NEDD4L: variants seen among roughly 807,000 people sequenced by gnomAD.
The protein encoded by NEDD4L is E3 ubiquitin-protein ligase NEDD4-like.
NEDD4L carries 54 observed loss-of-function variants against 148.9 expected under a neutral mutation model. That is an observed-to-expected ratio of 0.36 (90% CI 0.29 to 0.45). NEDD4L has a LOEUF of 0.45. NEDD4L is among the 20% of genes least tolerant of loss of function. The probability of loss-of-function intolerance (pLI) is 1.00; values close to 1 mark genes in which losing one functional copy is unlikely to be tolerated. For synonymous variants in NEDD4L, 433 were observed against 440.7 expected, an observed-to-expected ratio of 0.98 and a Z score of 0.22; for missense variants, 856 against 1,233.8, an observed-to-expected ratio of 0.69 and a Z score of 4.59.
chr18:58,044,645 G>C lies in NEDD4L; in HGVS notation c.-16G>C. On this transcript the variant is annotated 5_prime_UTR_variant, in exon 1 of 31. Coordinates refer to ENST00000400345, the MANE Select transcript of NEDD4L (RefSeq NM_001144967.3). ...CCGCTGGGAGCGCCTCAGACCCCGCGCGGGGCGCCGGCTCCATGGCGACCG... is the reference window on the plus strand; with the variant it reads ...CCGCTGGGAGCGCCTCAGACCCCGCCCGGGGCGCCGGCTCCATGGCGACCG... 6.3e-7 allele frequency: 1 copy of C among 1,596,146 alleles called. No homozygotes were observed. Among genetic ancestry groups the C allele is most frequent in the Non-Finnish European group, 8.5e-7 (1 of 1,171,872 alleles).
intron 2 of NEDD4L, among the ~76,000 whole-genome samples, chr18:58,217,987 T>C (rs1459121640): frequency 1.3e-5 from 2 of 152,170 alleles, no homozygotes; most frequent in African/African-American, 4.8e-5. Flanking sequence ...GAGGAAAATA[T>C]CAAGATGATC....
intron 2 of NEDD4L, among the ~76,000 whole-genome samples, chr18:58,239,594 A>G (rs2046400765): frequency 6.6e-6 from 1 of 152,238 alleles, no homozygotes; most frequent in Admixed American, 6.5e-5. Flanking sequence ...GTGAAAGAAC[A>G]TGGAACACTT....
chr18:58,293,453 A>G (rs2055066535), intron 5 of NEDD4L, among the ~76,000 whole-genome samples: 1 of 152,210 alleles, frequency 6.6e-6, no homozygotes, highest in Admixed American at 6.5e-5. Flanking sequence ...TGGATATGGG[A>G]TAATTACCAT....
intron 1 of NEDD4L, among the ~76,000 whole-genome samples, chr18:58,138,100 C>T (rs556744857): frequency 2.6e-5 from 4 of 152,298 alleles, no homozygotes; most frequent in East Asian, 1.9e-4. Flanking sequence ...CTCTCTTGGA[C>T]GTTAGGGTTT....
chr18:58,329,703 G>T, intron 10 of NEDD4L, among the ~76,000 whole-genome samples: 1 of 140,762 alleles, frequency 7.1e-6, no homozygotes, highest in African/African-American at 2.7e-5. Flanking sequence ...GTTTCACCAT[G>T]TTGGCCAGGC....
chr18:58,360,452 T>C (rs930649122), intron 19 of NEDD4L, among the ~76,000 whole-genome samples: 3 of 152,224 alleles, frequency 2.0e-5, no homozygotes, highest in Non-Finnish European at 4.4e-5. Context: ...GCTTTTTTTG[T>C]AATCTCTTTA....
At chr18:58,196,516 C>G (rs1029197693) in intron 2 of NEDD4L, among the ~76,000 whole-genome samples, 1 of 152,158 alleles carries the variant, frequency 6.6e-6, no homozygotes, top group Non-Finnish European at 1.5e-5. Flanking sequence ...CTGCATTCTT[C>G]AGCCCTCAAA....
intron 1 of NEDD4L, among the ~76,000 whole-genome samples, chr18:58,116,713 C>T (rs116859442): frequency 6.6e-5 from 10 of 152,346 alleles, no homozygotes; most frequent in Non-Finnish European, 1.5e-4. Context: ...CTTCTATGTC[C>T]AGGCCAGTGG....
At chr18:58,219,122 G>A (rs2043462072) in intron 2 of NEDD4L, among the ~76,000 whole-genome samples, 1 of 152,172 alleles carries the variant, frequency 6.6e-6, no homozygotes, top group Admixed American at 6.5e-5. Flanking sequence ...ACATTTTAAT[G>A]CAAGTTTGGC....
chr18:58,246,583 G>A (rs1377941186), intron 3 of NEDD4L, among the ~76,000 whole-genome samples: 1 of 152,152 alleles, frequency 6.6e-6, no homozygotes. Context: ...TCCTGCCTCA[G>A]CTTCCTGAGT....
At chr18:58,308,532 C>A (rs888855975) in intron 5 of NEDD4L, among the ~76,000 whole-genome samples, 1 of 152,216 alleles carries the variant, frequency 6.6e-6, no homozygotes, top group African/African-American at 2.4e-5. Flanking sequence ...GCAGTCGTTT[C>A]CCCTAGATCT....
intron 1 of NEDD4L, among the ~76,000 whole-genome samples, chr18:58,102,238 G>A (rs944661123): frequency 2.0e-5 from 3 of 152,114 alleles, no homozygotes; most frequent in African/African-American, 7.2e-5. Context: ...ACAGAGGGGT[G>A]GGGGGTGGTG....
chr18:58,051,710 G>A (rs2081880953), intron 1 of NEDD4L, among the ~76,000 whole-genome samples: 2 of 152,158 alleles, frequency 1.3e-5, no homozygotes, highest in Non-Finnish European at 2.9e-5. Flanking sequence ...TTTTGATGTT[G>A]CAGGTATTTG....
chr18:58,362,789 G>A (rs2045645757), intron 19 of NEDD4L, among the ~76,000 whole-genome samples: 1 of 152,222 alleles, frequency 6.6e-6, no homozygotes, highest in South Asian at 2.1e-4. Flanking sequence ...AACTAGAGAG[G>A]AAATCTTAGT....
At chr18:58,061,411 CCTT>C (rs1419073123) in intron 1 of NEDD4L, among the ~76,000 whole-genome samples, 2 of 152,082 alleles carry the variant, frequency 1.3e-5, no homozygotes, top group African/African-American at 2.4e-5. Flanking sequence ...AGAATCTACT[CCTT>C]CTGCTTACCC....
intron 2 of NEDD4L, among the ~76,000 whole-genome samples, chr18:58,182,818 T>G (rs1471710619): frequency 6.6e-6 from 1 of 152,202 alleles, no homozygotes; most frequent in Non-Finnish European, 1.5e-5. Context: ...GCCCCTGTAG[T>G]GTTCTATGCA....
chr18:58,285,626 G>A (rs2053788580), intron 5 of NEDD4L, among the ~76,000 whole-genome samples: 1 of 152,180 alleles, frequency 6.6e-6, no homozygotes, highest in Non-Finnish European at 1.5e-5. Context: ...CTAAGCCCAG[G>A]AATAATCAAG....
intron 1 of NEDD4L, among the ~76,000 whole-genome samples, chr18:58,162,403 C>A (rs569903607): frequency 6.6e-6 from 1 of 152,102 alleles, no homozygotes; most frequent in African/African-American, 2.4e-5. Context: ...CCCAGCCCTG[C>A]CGCACCACTC....
At chr18:58,375,764 A>G (rs1453431389) in intron 24 of NEDD4L, among the ~76,000 whole-genome samples, 1 of 152,060 alleles carries the variant, frequency 6.6e-6, no homozygotes, top group Non-Finnish European at 1.5e-5. Context: ...GTGCTCATTG[A>G]GCAAACGAAT....
Sources: allele counts gnomAD v4.1 joint callset (sites outside exome capture counted in the v4.1 genomes callset), GRCh38; gene constraint gnomAD v4.1.1; transcripts MANE v1.5; gene names NCBI Gene and HGNC (gene_info 2026-07-23, HGNC 2026-07-21).